Variants in SH3RF2 observed in about 807,000 individuals in gnomAD.
The protein encoded by SH3RF2 is E3 ubiquitin-protein ligase SH3RF2.
SH3RF2 carries 43 observed loss-of-function variants against 59.0 expected under a neutral mutation model. The ratio of observed to expected loss-of-function variants is 0.73; its 90% CI spans 0.57 to 0.94. SH3RF2 has a LOEUF of 0.94. Ranked by LOEUF, SH3RF2 falls within the 40% of genes least tolerant of loss-of-function variation. The probability of loss-of-function intolerance (pLI) is 0.00; values close to 1 mark genes in which losing one functional copy is unlikely to be tolerated. For synonymous variants in SH3RF2, 391 were observed against 391.5 expected, an observed-to-expected ratio of 1.00 and a Z score of 0.01; for missense variants, 930 against 940.1, an observed-to-expected ratio of 0.99 and a Z score of 0.14.
At chr5:145,939,909 C>T (rs1004968572) in intron 2 of SH3RF2, among the ~76,000 whole-genome samples, 29 of 152,116 alleles carry the variant, frequency 1.9e-4, no homozygotes, top group African/African-American at 6.3e-4. Flanking sequence ...GAGGCAGTTC[C>T]CTTATCAGCT....
intron 2 of SH3RF2, among the ~76,000 whole-genome samples, chr5:145,963,829 GTTT>G (rs111824139): frequency 4.4e-4 from 60 of 135,692 alleles, no homozygotes; most frequent in African/African-American, 1.4e-3. Flanking sequence ...TTTCTTTTTT[GTTT>G]TTTTTTTTTT....
chr5:146,019,728 A>G (rs886911388), intron 5 of SH3RF2, among the ~76,000 whole-genome samples: 1 of 152,202 alleles, frequency 6.6e-6, no homozygotes, highest in Non-Finnish European at 1.5e-5. Context: ...CTTCCAATCT[A>G]TGAACATGGG....
intron 7 of SH3RF2, among the ~76,000 whole-genome samples, chr5:146,049,477 G>A (rs1762418159): frequency 6.6e-6 from 1 of 152,206 alleles, no homozygotes; most frequent in South Asian, 2.1e-4. Flanking sequence ...CACAGGCTGT[G>A]CCCAAGAATC....
intron 2 of SH3RF2, among the ~76,000 whole-genome samples, chr5:145,986,667 A>T (rs187570840): frequency 5.6e-4 from 85 of 152,284 alleles, no homozygotes; most frequent in African/African-American, 2.0e-3. Flanking sequence ...AGCCCATTTC[A>T]AAAACAATCC....
Position 146,014,073 on chromosome 5 carries a change from A to G in SH3RF2, c.1059+12A>G, listed in dbSNP as rs1761017569. ...GCTGTGTGGGACAGGTAGGGAAGAAACGCCTGGGATGAGGGCACTTTGGAG... is the reference window on the plus strand; with the variant it reads ...GCTGTGTGGGACAGGTAGGGAAGAAGCGCCTGGGATGAGGGCACTTTGGAG... On this transcript the variant is annotated intron_variant, in intron 5 of 9. Coordinates refer to ENST00000359120, the MANE Select transcript of SH3RF2 (RefSeq NM_152550.4). 1.9e-6 allele frequency: 3 copies of G among 1,610,178 alleles called. No individual in the cohort carries two copies. The highest frequency in any genetic ancestry group is 2.7e-5 in the African/African-American group (2 of 74,696).
chr5:146,038,339 G>T (rs1330267735), intron 5 of SH3RF2, among the ~76,000 whole-genome samples: 2 of 152,096 alleles, frequency 1.3e-5, no homozygotes, highest in Non-Finnish European at 2.9e-5. Context: ...GCACAGTAAG[G>T]CAGGAAAAAG....
downstream of SH3RF2, among the ~76,000 whole-genome samples, chr5:146,066,990 C>T (rs1163856537): frequency 1.3e-5 from 2 of 152,050 alleles, no homozygotes; most frequent in Non-Finnish European, 2.9e-5. Context: ...GCGGGTCATG[C>T]CCAGCTGGGG....
chr5:146,001,338 G>T (rs1448679250), intron 3 of SH3RF2, among the ~76,000 whole-genome samples: 1 of 152,196 alleles, frequency 6.6e-6, no homozygotes, highest in African/African-American at 2.4e-5. Context: ...AATAGCTTAG[G>T]CAAGGTGTTT....
chr5:146,004,205 T>C (rs754464485), intron 4 of SH3RF2, 52 bp downstream of exon 4: 10 of 1,437,980 alleles, frequency 7.0e-6, no homozygotes, highest in African/African-American at 1.4e-5. Flanking sequence ...GAAATATTCA[T>C]GTGCTACAGT....
chr5:146,037,512 A>G (rs529130812), intron 5 of SH3RF2, among the ~76,000 whole-genome samples: 24 of 152,300 alleles, frequency 1.6e-4, no homozygotes, highest in African/African-American at 5.5e-4. Flanking sequence ...CCAAGGTTCT[A>G]TGTAGATACT....
chr5:145,998,038 A>G (rs2149981889), intron 2 of SH3RF2: 1 of 623,346 alleles, frequency 1.6e-6, no homozygotes, highest in Non-Finnish European at 2.9e-6. Context: ...GAGACTACAT[A>G]GAAAACTACA....
At chr5:145,982,962 C>G (rs896266284) in intron 2 of SH3RF2, among the ~76,000 whole-genome samples, 1 of 152,030 alleles carries the variant, frequency 6.6e-6, no homozygotes, top group Non-Finnish European at 1.5e-5. Context: ...AATAATACCC[C>G]GCAATGTCAT....
At chr5:146,012,158 G>A (rs1474028745) in intron 4 of SH3RF2, among the ~76,000 whole-genome samples, 1 of 152,126 alleles carries the variant, frequency 6.6e-6, no homozygotes, top group East Asian at 1.9e-4. Context: ...TTTGTCGCTG[G>A]TTCTGTTTAT....
At chr5:146,074,668 G>A (rs970292514) in intron 9 of SH3RF2, among the ~76,000 whole-genome samples, 2 of 152,040 alleles carry the variant, frequency 1.3e-5, no homozygotes, top group South Asian at 2.1e-4. Context: ...AATTTCCTTC[G>A]TTATCATTAG....
chr5:145,970,191 T>C (rs1759024941), intron 2 of SH3RF2, among the ~76,000 whole-genome samples: 1 of 152,014 alleles, frequency 6.6e-6, no homozygotes. Flanking sequence ...TCTTTAGTGG[T>C]GATTCCTGAG....
intron 2 of SH3RF2, among the ~76,000 whole-genome samples, chr5:145,945,731 G>C (rs556935449): frequency 6.6e-6 from 1 of 152,142 alleles, no homozygotes; most frequent in South Asian, 2.1e-4. Context: ...TCCTATCAGG[G>C]TGACTAGATA....
At chr5:145,988,037 A>T (rs58054498) in intron 2 of SH3RF2, among the ~76,000 whole-genome samples, 7,631 of 152,252 alleles carry the variant, frequency 0.05, 638 homozygotes, top group African/African-American at 0.18. Flanking sequence ...AGTGAAAGAA[A>T]ATAAGTTAGT....
At chr5:145,951,822 G>A (rs955664462) in intron 2 of SH3RF2, among the ~76,000 whole-genome samples, 5 of 152,104 alleles carry the variant, frequency 3.3e-5, no homozygotes, top group Admixed American at 6.6e-5. Flanking sequence ...GGACTACCTC[G>A]CTTAGTTCTC....
intron 2 of SH3RF2, among the ~76,000 whole-genome samples, chr5:145,938,599 A>G (rs950575626): frequency 6.6e-6 from 1 of 152,176 alleles, no homozygotes; most frequent in African/African-American, 2.4e-5. Flanking sequence ...TTGGTGTTTC[A>G]CTTCTGCTGT....
Sources: allele counts gnomAD v4.1 joint callset (sites outside exome capture counted in the v4.1 genomes callset), GRCh38; gene constraint gnomAD v4.1.1; transcripts MANE v1.5; gene names NCBI Gene and HGNC (gene_info 2026-07-23, HGNC 2026-07-21).